GRID2: variants seen among roughly 807,000 people sequenced by gnomAD.
GRID2 encodes glutamate ionotropic receptor delta type subunit 2.
Under a neutral mutation model 114.8 loss-of-function variants are expected in GRID2, and 33 were observed. The ratio of observed to expected loss-of-function variants is 0.29; its 90% CI spans 0.22 to 0.38. The LOEUF is 0.38. GRID2 is among the 10% of genes least tolerant of loss of function. The probability of loss-of-function intolerance (pLI) is 1.00; values close to 1 mark genes in which losing one functional copy is unlikely to be tolerated. For missense variants in GRID2, 1,184 were observed against 1,257.7 expected, an observed-to-expected ratio of 0.94 and a Z score of 0.89; for synonymous variants, 505 against 449.9, an observed-to-expected ratio of 1.12 and a Z score of -1.55.
intron 2 of GRID2, among the ~76,000 whole-genome samples, chr4:92,919,255 A>T (rs1391264034): frequency 6.6e-6 from 1 of 151,884 alleles, no homozygotes; most frequent in Non-Finnish European, 1.5e-5. Flanking sequence ...CTTCTTTATT[A>T]GTCTTGGTAG....
chr4:93,742,045 G>T (rs930071222), intron 14 of GRID2, among the ~76,000 whole-genome samples: 2 of 152,086 alleles, frequency 1.3e-5, no homozygotes, highest in Non-Finnish European at 2.9e-5. Flanking sequence ...TAGAGCAAGG[G>T]AAATGTGAGA....
At chr4:93,676,747 A>G (rs1042767022) in intron 14 of GRID2, among the ~76,000 whole-genome samples, 20 of 149,774 alleles carry the variant, frequency 1.3e-4, no homozygotes, top group Admixed American at 4.0e-4. Flanking sequence ...AAAAAAAAAG[A>G]TATTACAAAA....
intron 1 of GRID2, among the ~76,000 whole-genome samples, chr4:92,536,292 G>A (rs148395962): frequency 1.3e-5 from 2 of 152,090 alleles, no homozygotes; most frequent in African/African-American, 4.8e-5. Context: ...TAGACACAGA[G>A]TGCTGATTGG....
intron 2 of GRID2, among the ~76,000 whole-genome samples, chr4:92,720,943 A>G (rs976457842): frequency 1.7e-4 from 26 of 152,286 alleles, no homozygotes; most frequent in Middle Eastern, 6.8e-3. Flanking sequence ...AAAATGTGGT[A>G]TAAATATAAT....
At chr4:92,840,436 G>T (rs1742804461) in intron 2 of GRID2, among the ~76,000 whole-genome samples, 1 of 151,706 alleles carries the variant, frequency 6.6e-6, no homozygotes, top group Non-Finnish European at 1.5e-5. Context: ...TCTACTGAAA[G>T]TGATTTTCTA....
intron 2 of GRID2, among the ~76,000 whole-genome samples, chr4:92,953,927 A>T (rs1752205028): frequency 6.6e-6 from 1 of 152,170 alleles, no homozygotes; most frequent in Non-Finnish European, 1.5e-5. Context: ...ATATTGGAAT[A>T]ATTATTAGAA....
chr4:92,341,743 T>C (rs1727500326), intron 1 of GRID2, among the ~76,000 whole-genome samples: 1 of 151,840 alleles, frequency 6.6e-6, no homozygotes, highest in South Asian at 2.1e-4. Flanking sequence ...TGAAACCCCA[T>C]CTCTACTAAA....
At chr4:92,782,932 C>T (rs889116947) in intron 2 of GRID2, among the ~76,000 whole-genome samples, 4 of 151,882 alleles carry the variant, frequency 2.6e-5, no homozygotes, top group Admixed American at 2.6e-4. Flanking sequence ...GAAAATGATA[C>T]CTGTTTTCCA....
At chr4:93,212,128 C>A (rs529226958) in intron 5 of GRID2, among the ~76,000 whole-genome samples, 2 of 151,924 alleles carry the variant, frequency 1.3e-5, no homozygotes, top group African/African-American at 2.4e-5. Context: ...ATAAAAAAAA[C>A]CCTCAAAAGA....
At chr4:92,429,185 G>A (rs1363267243) in intron 1 of GRID2, among the ~76,000 whole-genome samples, 1 of 152,096 alleles carries the variant, frequency 6.6e-6, no homozygotes, top group Non-Finnish European at 1.5e-5. Flanking sequence ...GAGATATTTC[G>A]ATGCAAGCCT....
At chr4:93,344,663 AT>A (rs1307411139) in intron 8 of GRID2, among the ~76,000 whole-genome samples, 1 of 148,346 alleles carries the variant, frequency 6.7e-6, no homozygotes, top group Non-Finnish European at 1.5e-5. Flanking sequence ...TTTACAGTAT[AT>A]TTTTATAATA....
At chr4:93,717,295 A>G (rs536726002) in intron 14 of GRID2, among the ~76,000 whole-genome samples, 8 of 152,126 alleles carry the variant, frequency 5.3e-5, no homozygotes, top group African/African-American at 1.9e-4. Context: ...TCTCAGTTTT[A>G]GTTTTTAAAG....
intron 11 of GRID2, among the ~76,000 whole-genome samples, chr4:93,461,332 G>C (rs756451983): frequency 1.8e-4 from 27 of 151,994 alleles, no homozygotes; most frequent in Non-Finnish European, 2.9e-5. Flanking sequence ...TGAAGAAAAG[G>C]CTTATAAACC....
At chr4:92,568,465 C>T (rs1233500177) in intron 1 of GRID2, among the ~76,000 whole-genome samples, 1 of 151,974 alleles carries the variant, frequency 6.6e-6, no homozygotes, top group African/African-American at 2.4e-5. Flanking sequence ...TACCTTTATT[C>T]TTCTGAAGTT....
rs185246818 is a variant in GRID2, at chr4:93,153,740, C to T, written c.735+42787C>T. The stretch of plus-strand genomic sequence containing the variant: ...GCCATCCTGGAGAATTCCGGTTCTC[C>T]TTAATAAGTTCTTATGTATAACTGA... On this transcript the variant is annotated intron_variant, in intron 4 of 15. Transcript: ENST00000282020. Among the ~76,000 whole-genome samples, 736 of 152,160 alleles carry T rather than the reference C, an allele frequency of 4.8e-3. 1 individual carries two copies. Among genetic ancestry groups the T allele is most frequent in the Non-Finnish European group, 8.3e-3 (561 of 67,982 alleles).
chr4:92,641,855 C>T (rs942081670), intron 2 of GRID2, among the ~76,000 whole-genome samples: 1 of 150,238 alleles, frequency 6.7e-6, no homozygotes, highest in Non-Finnish European at 1.5e-5. Flanking sequence ...CAATGTTTTC[C>T]TTCCACTTAT....
chr4:92,321,461 A>C (rs1726313291), intron 1 of GRID2, among the ~76,000 whole-genome samples: 2 of 152,188 alleles, frequency 1.3e-5, no homozygotes, highest in Admixed American at 1.3e-4. Context: ...CTTTGTTTAG[A>C]GTCTAGCTTT....
At chr4:93,156,563 A>G (rs1256614204) in intron 4 of GRID2, among the ~76,000 whole-genome samples, 2 of 151,708 alleles carry the variant, frequency 1.3e-5, no homozygotes, top group Admixed American at 6.6e-5. Context: ...AGGGTGAAAG[A>G]GAGAATAAGC....
chr4:92,414,223 AG>A (rs1478466080), intron 1 of GRID2, among the ~76,000 whole-genome samples: 1 of 152,172 alleles, frequency 6.6e-6, no homozygotes, highest in Non-Finnish European at 1.5e-5. Context: ...AAAAGTTAAA[AG>A]CATCTTCTCT....
Sources: gnomAD v4.1 joint callset for allele counts (sites outside exome capture counted in the v4.1 genomes callset) on GRCh38, gnomAD v4.1.1 for gene constraint, MANE v1.5 for transcripts, NCBI Gene and HGNC (gene_info 2026-07-23, HGNC 2026-07-21) for gene names.